The following SDK1 variants were observed in gnomAD, a reference collection of about 807,000 sequenced individuals.
The protein encoded by SDK1 is sidekick cell adhesion molecule 1, also known as protein sidekick-1.
A neutral mutation model predicts 245.5 loss-of-function variants in SDK1; 157 were observed. That is an observed-to-expected ratio of 0.64 (90% CI 0.56 to 0.73). The LOEUF is 0.73. Among genes scored for constraint, SDK1 ranks in the 30% least tolerant of loss-of-function variants. The probability of loss-of-function intolerance (pLI) is 0.00; values close to 1 mark genes in which losing one functional copy is unlikely to be tolerated. For synonymous variants in SDK1, 1,647 were observed against 1,278.5 expected, an observed-to-expected ratio of 1.29 and a Z score of -6.15; for missense variants, 3,583 against 3,002.3, an observed-to-expected ratio of 1.19 and a Z score of -4.52.
intron 1 of SDK1, among the ~76,000 whole-genome samples, chr7:3,567,073 A>C (rs1196563416): frequency 6.6e-6 from 1 of 152,184 alleles, no homozygotes; most frequent in Admixed American, 6.5e-5. Context: ...GAACACTTTT[A>C]GATAATTGAA....
chr7:3,811,567 C>G (rs551068131), intron 4 of SDK1, among the ~76,000 whole-genome samples: 1 of 152,298 alleles, frequency 6.6e-6, no homozygotes, highest in East Asian at 1.9e-4. Context: ...AATATGCACC[C>G]AGGCAGATGT....
intron 4 of SDK1, among the ~76,000 whole-genome samples, chr7:3,698,216 C>G (rs554890793): frequency 3.3e-5 from 5 of 152,252 alleles, no homozygotes; most frequent in Admixed American, 2.0e-4. Flanking sequence ...AAACTGTGGC[C>G]ATATTCACAA....
chr7:3,609,737 C>T (rs1781533498), intron 1 of SDK1, among the ~76,000 whole-genome samples: 1 of 149,222 alleles, frequency 6.7e-6, no homozygotes, highest in African/African-American at 2.5e-5. Context: ...GTCTCACTCC[C>T]TTACCCAGGC....
intron 13 of SDK1, among the ~76,000 whole-genome samples, chr7:3,975,394 C>T (rs1428342452): frequency 1.3e-5 from 2 of 152,142 alleles, no homozygotes; most frequent in Non-Finnish European, 2.9e-5. Context: ...GGCCTTTCGA[C>T]AAAGGCAATC....
chr7:3,346,807 GTATATA>G (rs778210658), intron 1 of SDK1, among the ~76,000 whole-genome samples: 1 of 42,252 alleles, frequency 2.4e-5, no homozygotes, highest in Non-Finnish European at 4.0e-5. Flanking sequence ...GTGTGTGTGT[GTATATA>G]TATATATATA....
intron 4 of SDK1, among the ~76,000 whole-genome samples, chr7:3,651,169 G>A (rs753996466): frequency 1.2e-4 from 18 of 149,136 alleles, no homozygotes; most frequent in Non-Finnish European, 2.5e-4. Context: ...GTTTTCCAGA[G>A]TGGCTGTACC....
At chr7:4,061,819 C>T (rs1238418872) in intron 19 of SDK1, among the ~76,000 whole-genome samples, 1 of 151,892 alleles carries the variant, frequency 6.6e-6, no homozygotes, top group African/African-American at 2.4e-5. Flanking sequence ...ATGATGAATT[C>T]ATGTCCTTTG....
chr7:4,194,375 T>C lies in SDK1; in HGVS notation c.5099-11504T>C, dbSNP rs62440634. On this transcript the variant is annotated intron_variant, in intron 35 of 44. Coordinates refer to ENST00000404826, the MANE Select transcript of SDK1 (RefSeq NM_152744.4). ...ATATGTATGCACGTATGTGTATACA[T>C]GTATGTGTATACATGTATACATATA... 1.9e-4 allele frequency among the ~76,000 whole-genome samples: 18 copies of C among 96,982 alleles called. 2 individuals carry two copies. Among genetic ancestry groups the C allele is most frequent in the South Asian group, 7.4e-4 (2 of 2,706 alleles). The allele number at this position is 96,982 out of a possible 152,430, so 63.6% of individuals were successfully genotyped here.
chr7:3,346,599 C>G (rs965436132), intron 1 of SDK1, among the ~76,000 whole-genome samples: 2 of 150,402 alleles, frequency 1.3e-5, no homozygotes, highest in Admixed American at 6.6e-5. Context: ...ACTGCAGTCT[C>G]CAACTCGTGC....
chr7:3,400,167 T>C (rs139264335), intron 1 of SDK1, among the ~76,000 whole-genome samples: 1 of 151,812 alleles, frequency 6.6e-6, no homozygotes, highest in East Asian at 1.9e-4. Context: ...GGGAGGCTGC[T>C]GGTTCTTAGC....
At chr7:4,139,280 T>G (rs539068281) in intron 28 of SDK1, among the ~76,000 whole-genome samples, 184 of 152,098 alleles carry the variant, frequency 1.2e-3, no homozygotes, top group African/African-American at 4.3e-3. Flanking sequence ...GGGCCAAAGG[T>G]GATTTCATGG....
intron 2 of SDK1, among the ~76,000 whole-genome samples, chr7:3,638,796 T>A (rs13227634): frequency 2.7e-5 from 4 of 150,386 alleles, no homozygotes; most frequent in African/African-American, 4.9e-5. Context: ...ATAATAAAAT[T>A]TAAAAAAAAA....
At chr7:4,262,765 C>G (rs1788110476) in intron 44 of SDK1, among the ~76,000 whole-genome samples, 1 of 104,424 alleles carries the variant, frequency 9.6e-6, no homozygotes, top group East Asian at 3.6e-4. Flanking sequence ...CTCCCCTCTA[C>G]CTCATCACCT....
At chr7:3,768,285 C>G (rs1368101273) in intron 4 of SDK1, among the ~76,000 whole-genome samples, 1 of 152,160 alleles carries the variant, frequency 6.6e-6, no homozygotes, top group Non-Finnish European at 1.5e-5. Context: ...TGTGCAAGAG[C>G]ATAGACATGG....
chr7:4,056,692 G>A (rs553645932), intron 19 of SDK1, among the ~76,000 whole-genome samples: 4 of 152,220 alleles, frequency 2.6e-5, no homozygotes, highest in Admixed American at 6.5e-5. Flanking sequence ...CAGGGAGACC[G>A]TGTGATGTCC....
chr7:4,208,037 T>G, intron 36 of SDK1, 62 bp from the exon 37 acceptor site: 1 of 1,280,620 alleles, frequency 7.8e-7, no homozygotes. Flanking sequence ...TTACACTCAG[T>G]GGCCCCCGCT....
At chr7:4,077,869 A>G (rs1182600627) in intron 21 of SDK1, among the ~76,000 whole-genome samples, 1 of 152,222 alleles carries the variant, frequency 6.6e-6, no homozygotes, top group African/African-American at 2.4e-5. Flanking sequence ...GAGTGGGGAC[A>G]CAGCCAAACC....
intron 1 of SDK1, among the ~76,000 whole-genome samples, chr7:3,363,211 T>C (rs1443359939): frequency 6.6e-6 from 1 of 152,360 alleles, no homozygotes; most frequent in East Asian, 1.9e-4. Context: ...AAAAATGTTA[T>C]ATAAATAGAA....
intron 5 of SDK1, among the ~76,000 whole-genome samples, chr7:3,874,597 C>T (rs1781030037): frequency 6.6e-6 from 1 of 152,120 alleles, no homozygotes. Flanking sequence ...AACTCCTTCT[C>T]CACCCCCGTT....
Sources: allele counts gnomAD v4.1 joint callset (sites outside exome capture counted in the v4.1 genomes callset), GRCh38; gene constraint gnomAD v4.1.1; transcripts MANE v1.5; gene names NCBI Gene and HGNC (gene_info 2026-07-23, HGNC 2026-07-21).